Variants in ZBTB7C observed in about 807,000 individuals in gnomAD.
ZBTB7C encodes the protein zinc finger and BTB domain-containing protein 7C.
In ZBTB7C, 8 loss-of-function variants were observed where a neutral mutation model predicts 25.7. That is an observed-to-expected ratio of 0.31 (90% CI 0.18 to 0.56). ZBTB7C has a LOEUF of 0.56. Ranked by LOEUF, ZBTB7C falls within the 20% of genes least tolerant of loss-of-function variation. ZBTB7C has a pLI of 0.91. For missense variants in ZBTB7C, 824 were observed against 855.2 expected (o/e 0.96, Z 0.46); for synonymous variants, 394 against 369.0 (o/e 1.07, Z -0.78).
intron 3 of ZBTB7C, among the ~76,000 whole-genome samples, chr18:48,123,027 G>A (rs1015340221): frequency 6.6e-6 from 1 of 152,186 alleles, no homozygotes; most frequent in East Asian, 1.9e-4. Context: ...GCTCTGTCTG[G>A]AGGGGCCTGA....
chr18:48,193,123 CA>C (rs915872655), intron 2 of ZBTB7C, among the ~76,000 whole-genome samples: 2 of 152,128 alleles, frequency 1.3e-5, no homozygotes, highest in Admixed American at 6.5e-5. Context: ...CATGTCTGGC[CA>C]AAATGTTAGA....
chr18:48,244,104 C>T lies in ZBTB7C; in HGVS notation c.-78-58109G>A, dbSNP rs558968932. On this transcript the variant is annotated intron_variant, in intron 2 of 4. Coordinates refer to ENST00000590800, the MANE Select transcript of ZBTB7C (RefSeq NM_001318841.2). ...ATAACATCACAAAAACTCTTCCAGA[C>T]ATTGGCTTAGGCACAGAGTTCATGA... Among the ~76,000 whole-genome samples the T allele has an allele frequency of 5.3e-5, 8 of 152,270 alleles. No individual in the cohort carries two copies. In the East Asian group the frequency reaches 1.4e-3, roughly 26 times the overall value.
At chr18:48,365,350 C>T (rs989381929) in intron 1 of ZBTB7C, among the ~76,000 whole-genome samples, 3 of 152,168 alleles carry the variant, frequency 2.0e-5, no homozygotes, top group Non-Finnish European at 4.4e-5. Flanking sequence ...TTGATAAATT[C>T]TGTCCTTTGA....
intron 2 of ZBTB7C, among the ~76,000 whole-genome samples, chr18:48,298,461 G>C (rs975083019): frequency 1.3e-5 from 2 of 152,032 alleles, no homozygotes; most frequent in African/African-American, 2.4e-5. Context: ...GCTGTTTAAG[G>C]CTGCCCCATC....
intron 2 of ZBTB7C, among the ~76,000 whole-genome samples, chr18:48,327,682 G>A (rs918805432): frequency 1.2e-4 from 18 of 152,096 alleles, no homozygotes; most frequent in African/African-American, 4.4e-4. Context: ...AGGGCCCTCA[G>A]CTGAGGATGG....
chr18:48,224,443 T>C (rs2043038808), intron 2 of ZBTB7C, among the ~76,000 whole-genome samples: 1 of 152,088 alleles, frequency 6.6e-6, no homozygotes, highest in Non-Finnish European at 1.5e-5. Context: ...TAGAGGCCCT[T>C]GAGGGGAGAG....
intron 1 of ZBTB7C, among the ~76,000 whole-genome samples, chr18:48,358,709 T>C (rs1032076735): frequency 1.3e-5 from 2 of 152,150 alleles, no homozygotes; most frequent in Admixed American, 6.5e-5. Flanking sequence ...CTGAGAACAC[T>C]GAGGGTTTAT....
chr18:48,038,246 C>T (rs1246172741), intron 4 of ZBTB7C, among the ~76,000 whole-genome samples: 1 of 152,154 alleles, frequency 6.6e-6, no homozygotes, highest in African/African-American at 2.4e-5. Flanking sequence ...GGCAAGGGAA[C>T]ACATCCTGGG....
intron 3 of ZBTB7C, among the ~76,000 whole-genome samples, chr18:48,140,638 A>T (rs1387939151): frequency 6.6e-6 from 1 of 152,154 alleles, no homozygotes; most frequent in African/African-American, 2.4e-5. Flanking sequence ...CCTGAACCCA[A>T]GAGGGTATTG....
At chr18:48,330,051 C>G (rs2046309137) in intron 2 of ZBTB7C, among the ~76,000 whole-genome samples, 1 of 152,196 alleles carries the variant, frequency 6.6e-6, no homozygotes, top group Non-Finnish European at 1.5e-5. Context: ...GGTTGCTGTG[C>G]AAGTCCACAG....
intron 4 of ZBTB7C, 27 bp from the exon 5 acceptor site, chr18:48,029,938 C>G (rs369806210): frequency 3.7e-6 from 6 of 1,608,124 alleles, no homozygotes; most frequent in Non-Finnish European, 4.2e-6. Flanking sequence ...GGGGGTCAGT[C>G]CCGCAGGGAA....
At chr18:48,081,635 C>G (rs1223220968) in intron 3 of ZBTB7C, among the ~76,000 whole-genome samples, 3 of 151,998 alleles carry the variant, frequency 2.0e-5, no homozygotes, top group African/African-American at 7.3e-5. Flanking sequence ...CCCTTCTTTT[C>G]CTTCAGTTCC....
rs2046502843 is a variant in ZBTB7C at position 48,338,292 on chromosome 18, T to C, written c.-197A>G. On this transcript the variant is annotated 5_prime_UTR_variant, in exon 2 of 5. The change abolishes an upstream ATG in the 5' untranslated region. Transcript: ENST00000590800. Reference sequence around the variant, plus strand: ...GTCTAATGGGCGTGGATTCTGCTCATGCCTCAGGCCCTGGGTGGACTCCAC... The same window carrying C: ...GTCTAATGGGCGTGGATTCTGCTCACGCCTCAGGCCCTGGGTGGACTCCAC... The C allele has an allele frequency of 6.6e-6, 1 of 152,270 alleles. No homozygotes were observed. The allele number at this position is 152,270 out of a possible 1,614,324, so 9.4% of individuals were successfully genotyped here. A position where few individuals can be genotyped will look rare whatever the true frequency, so the allele number is the denominator to read the frequency against.
intron 1 of ZBTB7C, among the ~76,000 whole-genome samples, chr18:48,373,167 T>A (rs1178304485): frequency 6.6e-6 from 1 of 152,174 alleles, no homozygotes; most frequent in Non-Finnish European, 1.5e-5. Flanking sequence ...TCCCCAATGC[T>A]GGAGGTGGGG....
At chr18:48,281,566 C>T (rs1598771114) in intron 2 of ZBTB7C, among the ~76,000 whole-genome samples, 1 of 152,248 alleles carries the variant, frequency 6.6e-6, no homozygotes, top group East Asian at 1.9e-4. Flanking sequence ...ACTCATCTGA[C>T]AAAGGGCTAA....
At chr18:48,361,214 C>G (rs549209005) in intron 1 of ZBTB7C, among the ~76,000 whole-genome samples, 3 of 152,322 alleles carry the variant, frequency 2.0e-5, no homozygotes, top group African/African-American at 7.2e-5. Flanking sequence ...ATACAGAACA[C>G]AACCGCTTTA....
chr18:48,251,778 A>G (rs1001393065), intron 2 of ZBTB7C, among the ~76,000 whole-genome samples: 4 of 152,304 alleles, frequency 2.6e-5, no homozygotes, highest in African/African-American at 9.6e-5. Flanking sequence ...CTGCGGCCCT[A>G]TGTGAATCAG....
chr18:48,241,578 A>G (rs1406114889), intron 2 of ZBTB7C, among the ~76,000 whole-genome samples: 1 of 152,238 alleles, frequency 6.6e-6, no homozygotes, highest in Non-Finnish European at 1.5e-5. Context: ...AAAGACATGG[A>G]AATTAAATAA....
intron 3 of ZBTB7C, among the ~76,000 whole-genome samples, chr18:48,049,994 C>A (rs2036619451): frequency 6.6e-6 from 1 of 152,198 alleles, no homozygotes; most frequent in Admixed American, 6.5e-5. Flanking sequence ...TGGAGCTTCA[C>A]AGCCACCTGG....
Sources: allele counts gnomAD v4.1 joint callset (sites outside exome capture counted in the v4.1 genomes callset), GRCh38; gene constraint gnomAD v4.1.1; transcripts MANE v1.5; gene names NCBI Gene and HGNC (gene_info 2026-07-23, HGNC 2026-07-21).